Variants in RANBP2 observed in about 807,000 individuals in gnomAD.
RANBP2 encodes the protein RAN binding protein 2.
RANBP2 carries 57 observed loss-of-function variants against 303.6 expected under a neutral mutation model. The ratio of observed to expected loss-of-function variants is 0.19; its 90% CI spans 0.15 to 0.23. The LOEUF is 0.23. Ranked by LOEUF, RANBP2 falls within the 10% of genes least tolerant of loss-of-function variation. RANBP2 has a pLI of 1.00. For synonymous variants in RANBP2, 1,167 were observed against 1,301.5 expected (o/e 0.90, Z 2.23); for missense variants, 3,138 against 3,780.8 (o/e 0.83, Z 4.46).
chr2:108,746,515 G>A (rs1696532737), intron 7 of RANBP2, among the ~76,000 whole-genome samples, 196 bp from the exon 8 acceptor site: 2 of 147,276 alleles, frequency 1.4e-5, no homozygotes, highest in Middle Eastern at 3.4e-3. Flanking sequence ...GAGCCACCAC[G>A]CCTGTACCTG....
the RANBP2 span, among the ~76,000 whole-genome samples, chr2:109,213,511 G>T: frequency 6.6e-6 from 1 of 152,190 alleles, no homozygotes; most frequent in Non-Finnish European, 1.5e-5. Context: ...CTGGAGAAGG[G>T]CATATCTGCC....
At chr2:108,798,708 TACAC>T in the RANBP2 span, 204,893 of 424,020 alleles carry the variant, frequency 0.48, 42,331 homozygotes, top group Non-Finnish European at 0.56. Context: ...TCTCCACGCC[TACAC>T]ACACACACAC....
chr2:109,208,423 T>C, the RANBP2 span, among the ~76,000 whole-genome samples: 1 of 152,196 alleles, frequency 6.6e-6, no homozygotes, highest in Non-Finnish European at 1.5e-5. Flanking sequence ...GAACACTTGC[T>C]GTCTAGGAGC....
chr2:109,713,794 C>CAATG, the RANBP2 span, among the ~76,000 whole-genome samples: 2 of 152,198 alleles, frequency 1.3e-5, no homozygotes, highest in African/African-American at 4.8e-5. Context: ...TGAAAGCTCT[C>CAATG]AATGAATGAT....
chr2:109,602,404 G>A, the RANBP2 span, among the ~76,000 whole-genome samples: 29 of 152,258 alleles, frequency 1.9e-4, no homozygotes, highest in South Asian at 5.2e-3. Context: ...AGCCGGGCAC[G>A]GTGGCTCACG....
At chr2:108,827,379 G>A in the RANBP2 span, among the ~76,000 whole-genome samples, 1 of 152,092 alleles carries the variant, frequency 6.6e-6, no homozygotes, top group Non-Finnish European at 1.5e-5. Context: ...AAGAGAAAAT[G>A]TGCAAAACAA....
chr2:109,710,501 AAG>A, the RANBP2 span, among the ~76,000 whole-genome samples: 1 of 152,326 alleles, frequency 6.6e-6, no homozygotes, highest in Admixed American at 6.5e-5. Flanking sequence ...AGACACTCAA[AAG>A]TATACCTGGG....
chr2:109,347,742 G>T, the RANBP2 span: 1 of 1,613,968 alleles, frequency 6.2e-7, no homozygotes, highest in Non-Finnish European at 8.5e-7. Context: ...GTGACCTCAA[G>T]TTCAACAAGG....
chr2:109,079,894 G>A, the RANBP2 span, among the ~76,000 whole-genome samples: 2 of 152,244 alleles, frequency 1.3e-5, no homozygotes, highest in Non-Finnish European at 2.9e-5. Flanking sequence ...TCCCTAGACT[G>A]CTGAGAGGCA....
chr2:109,572,052 T>C, the RANBP2 span, among the ~76,000 whole-genome samples: 455 of 152,332 alleles, frequency 3.0e-3, 6 homozygotes, highest in Non-Finnish European at 1.1e-3. Context: ...ATGCCAGGCA[T>C]TGTACTAAAT....
chr2:109,650,073 T>C, the RANBP2 span, among the ~76,000 whole-genome samples: 1 of 152,212 alleles, frequency 6.6e-6, no homozygotes, highest in Admixed American at 6.5e-5. Flanking sequence ...TGGGTGACTT[T>C]CTTTTCTCAA....
the RANBP2 span, among the ~76,000 whole-genome samples, chr2:108,919,060 C>T: frequency 0.099 from 15,124 of 152,028 alleles, 874 homozygotes; most frequent in African/African-American, 0.14. Flanking sequence ...CATTGCTCAG[C>T]GGGTCCCTGG....
At chr2:108,729,068 C>G in intron 1 of RANBP2, 64 bp from the exon 2 acceptor site, 3 of 1,515,620 alleles carry the variant, frequency 2.0e-6, no homozygotes, top group Non-Finnish European at 2.7e-6. Context: ...ATTTTTACTA[C>G]TTTTGAAAAA....
chr2:109,615,288 C>G, the RANBP2 span: 2 of 1,594,878 alleles, frequency 1.3e-6, no homozygotes, highest in Non-Finnish European at 1.7e-6. Flanking sequence ...GCTGGACCCC[C>G]TGGAGCACGC....
At chr2:108,771,634 T>G in intron 20 of RANBP2, 67 bp from the exon 21 acceptor site, 1 of 1,592,888 alleles carries the variant, frequency 6.3e-7, no homozygotes, top group Non-Finnish European at 8.5e-7. Flanking sequence ...GTTTTTATTT[T>G]CAGTTAGAGT....
the RANBP2 span, among the ~76,000 whole-genome samples, chr2:109,179,435 T>C: frequency 1.3e-5 from 2 of 152,182 alleles, no homozygotes; most frequent in African/African-American, 4.8e-5. Flanking sequence ...TGAGATCTCT[T>C]AACTGCTGCC....
At chr2:109,065,136 T>A in the RANBP2 span, among the ~76,000 whole-genome samples, 1 of 152,192 alleles carries the variant, frequency 6.6e-6, no homozygotes, top group Non-Finnish European at 1.5e-5. Context: ...CAAATACTGT[T>A]GGCCCAGCTT....
the RANBP2 span, among the ~76,000 whole-genome samples, chr2:109,377,140 C>T: frequency 7.9e-5 from 12 of 152,338 alleles, no homozygotes; most frequent in East Asian, 9.7e-4. Context: ...TTATTCTTGG[C>T]GTTTCCCATT....
the RANBP2 span, chr2:109,419,400 G>A: frequency 1.2e-6 from 1 of 825,618 alleles, no homozygotes; most frequent in South Asian, 1.7e-5. Context: ...AGTCCAGGTA[G>A]GCACAGCACG....
Sources: allele counts gnomAD v4.1 joint callset (sites outside exome capture counted in the v4.1 genomes callset), GRCh38; gene constraint gnomAD v4.1.1; transcripts MANE v1.5; gene names NCBI Gene and HGNC (gene_info 2026-07-23, HGNC 2026-07-21).